Variants in PLCB1 observed in about 807,000 individuals in gnomAD.
The protein encoded by PLCB1 is phospholipase C beta 1, also known as 1-phosphatidylinositol 4,5-bisphosphate phosphodiesterase beta-1.
In PLCB1, 46 loss-of-function variants were observed where a neutral mutation model predicts 161.8. The ratio of observed to expected loss-of-function variants is 0.28; its 90% CI spans 0.22 to 0.36. The LOEUF is 0.36. Ranked by LOEUF, PLCB1 falls within the 10% of genes least tolerant of loss-of-function variation. PLCB1 has a pLI of 1.00. For synonymous variants in PLCB1, 517 were observed against 503.7 expected, an observed-to-expected ratio of 1.03 and a Z score of -0.35; for missense variants, 1,016 against 1,472.5, an observed-to-expected ratio of 0.69 and a Z score of 5.07.
rs1368549352 is a variant in PLCB1, at chr20:8,884,315, G to A, written c.*2466G>A. The A allele has an allele frequency of 6.6e-6, 1 of 152,458 alleles. No homozygotes were observed. The highest frequency in any genetic ancestry group is 2.4e-5 in the African/African-American group (1 of 41,384). The allele number at this position is 152,458 out of a possible 1,614,324, so 9.4% of individuals were successfully genotyped here. ...GGGTCTGTATGATGTGCAGTTTTGT[G>A]CCTTTATGTATTTGCCTTGTTCTTT... is the stretch of plus-strand genomic sequence containing the variant. On this transcript the variant is annotated 3_prime_UTR_variant, in exon 32 of 32. Coordinates refer to ENST00000338037, the MANE Select transcript of PLCB1 (RefSeq NM_015192.4).
intron 3 of PLCB1, among the ~76,000 whole-genome samples, chr20:8,563,076 CA>C (rs1313214782): frequency 6.6e-6 from 1 of 151,788 alleles, no homozygotes; most frequent in Non-Finnish European, 1.5e-5. Context: ...TACTGACAGC[CA>C]AAACAGTATG....
chr20:8,831,662 C>G (rs1003339169), intron 31 of PLCB1, among the ~76,000 whole-genome samples: 3 of 152,120 alleles, frequency 2.0e-5, no homozygotes, highest in African/African-American at 7.2e-5. Context: ...CAAACTCTCA[C>G]TCTGTCACCC....
At chr20:8,685,248 G>C (rs554551753) in intron 10 of PLCB1, among the ~76,000 whole-genome samples, 170 bp downstream of exon 10, 4 of 152,262 alleles carry the variant, frequency 2.6e-5, no homozygotes, top group Admixed American at 6.5e-5. Context: ...AAGCAGTCAT[G>C]TCCACATGTG....
At chr20:8,341,854 A>G (rs1985820275) in intron 2 of PLCB1, among the ~76,000 whole-genome samples, 1 of 152,218 alleles carries the variant, frequency 6.6e-6, no homozygotes, top group Non-Finnish European at 1.5e-5. Flanking sequence ...AGTAGGAACT[A>G]CTATCATCAT....
At chr20:8,202,082 G>C (rs748658050) in intron 2 of PLCB1, among the ~76,000 whole-genome samples, 2 of 152,106 alleles carry the variant, frequency 1.3e-5, no homozygotes, top group African/African-American at 2.4e-5. Context: ...TGTGTATTTT[G>C]TTGTTGTTGT....
intron 31 of PLCB1, chr20:8,802,125 C>G (rs776842085): frequency 1.9e-6 from 3 of 1,610,468 alleles, no homozygotes; most frequent in Non-Finnish European, 2.5e-6. Context: ...CAACTTTACT[C>G]CCCCCAACCC....
chr20:8,386,550 AGG>A (rs1156621623), intron 3 of PLCB1, among the ~76,000 whole-genome samples: 4 of 152,216 alleles, frequency 2.6e-5, no homozygotes, highest in Non-Finnish European at 4.4e-5. Flanking sequence ...CACGTGAAAT[AGG>A]TTTAGCATAA....
chr20:8,422,690 C>T (rs1170983926), intron 3 of PLCB1, among the ~76,000 whole-genome samples: 1 of 152,110 alleles, frequency 6.6e-6, no homozygotes, highest in Non-Finnish European at 1.5e-5. Context: ...AATAAATGCC[C>T]TTCACCTGGT....
At chr20:8,639,934 A>T (rs2207069) in intron 4 of PLCB1, among the ~76,000 whole-genome samples, 1 of 151,782 alleles carries the variant, frequency 6.6e-6, no homozygotes. Context: ...CTATTCCAAG[A>T]CCTTCACAGG....
chr20:8,484,495 G>A (rs1040043370), intron 3 of PLCB1, among the ~76,000 whole-genome samples: 1 of 151,284 alleles, frequency 6.6e-6, no homozygotes, highest in Admixed American at 6.6e-5. Flanking sequence ...CAAGTAGCTG[G>A]GACTACAGGC....
chr20:8,614,343 T>TAC (rs1600192892), intron 3 of PLCB1, among the ~76,000 whole-genome samples: 1 of 150,072 alleles, frequency 6.7e-6, no homozygotes, highest in Non-Finnish European at 1.5e-5. Flanking sequence ...TATATATATA[T>TAC]ACACACACAT....
intron 3 of PLCB1, among the ~76,000 whole-genome samples, chr20:8,516,332 C>G (rs945725400): frequency 4.1e-4 from 63 of 152,140 alleles, no homozygotes; most frequent in African/African-American, 1.3e-3. Context: ...TAATATTACT[C>G]TGGCCAAAGC....
chr20:8,234,975 G>A (rs1483772560), intron 2 of PLCB1, among the ~76,000 whole-genome samples: 1 of 152,044 alleles, frequency 6.6e-6, no homozygotes, highest in Non-Finnish European at 1.5e-5. Context: ...AACACATAGT[G>A]AATATGCCTG....
At chr20:8,368,648 C>A (rs1986803939) in intron 2 of PLCB1, among the ~76,000 whole-genome samples, 1 of 151,406 alleles carries the variant, frequency 6.6e-6, no homozygotes, top group African/African-American at 2.4e-5. Flanking sequence ...AAACATCATG[C>A]AACATATATG....
At chr20:8,408,037 A>G (rs1030480474) in intron 3 of PLCB1, among the ~76,000 whole-genome samples, 1 of 152,206 alleles carries the variant, frequency 6.6e-6, no homozygotes, top group Non-Finnish European at 1.5e-5. Context: ...GGAACAAGGA[A>G]AGGACACTAG....
At chr20:8,417,814 A>C (rs999023034) in intron 3 of PLCB1, among the ~76,000 whole-genome samples, 3 of 152,212 alleles carry the variant, frequency 2.0e-5, no homozygotes, top group African/African-American at 7.2e-5. Flanking sequence ...CCAAATGTCC[A>C]TCTTGTACTT....
intron 12 of PLCB1, among the ~76,000 whole-genome samples, chr20:8,714,562 A>T (rs1979199022): frequency 6.6e-6 from 1 of 151,762 alleles, no homozygotes; most frequent in Non-Finnish European, 1.5e-5. Context: ...TTCAGCAACG[A>T]CCTCCAATGC....
chr20:8,391,007 A>G (rs900537815), intron 3 of PLCB1, among the ~76,000 whole-genome samples: 9 of 151,876 alleles, frequency 5.9e-5, no homozygotes, highest in African/African-American at 2.2e-4. Flanking sequence ...GTTTGTCTAA[A>G]TGCATTTTGC....
Position 8,881,888 on chromosome 20 carries a change from C to A in PLCB1, c.*39C>A. On this transcript the variant is annotated 3_prime_UTR_variant, in exon 32 of 32. Transcript: ENST00000338037. ...GCCTTCAGAAATTGCATGGCCACTCCAGCGTCATCGGACTCTCTCTTATTA... is the reference window on the plus strand; with the variant it reads ...GCCTTCAGAAATTGCATGGCCACTCAAGCGTCATCGGACTCTCTCTTATTA... The A allele has an allele frequency of 7.6e-7, 1 of 1,307,454 alleles. No individual in the cohort carries two copies. Among genetic ancestry groups the A allele is most frequent in the Non-Finnish European group, 1.1e-6 (1 of 902,550 alleles). 81.0% of individuals were successfully genotyped at this position (1,307,454 alleles called of 1,614,324 possible). A position where few individuals can be genotyped will look rare whatever the true frequency, so the allele number is the denominator to read the frequency against.
Sources: allele counts gnomAD v4.1 joint callset (sites outside exome capture counted in the v4.1 genomes callset), GRCh38; gene constraint gnomAD v4.1.1; transcripts MANE v1.5; gene names NCBI Gene and HGNC (gene_info 2026-07-23, HGNC 2026-07-21).